BMPR1B: variants seen among roughly 807,000 people sequenced by gnomAD.
BMPR1B encodes the protein bone morphogenetic protein receptor type-1B.
A neutral mutation model predicts 59.1 loss-of-function variants in BMPR1B; 12 were observed. The observed-to-expected ratio is 0.20, with a 90% CI of 0.13 to 0.33. The LOEUF (loss-of-function observed/expected upper bound fraction) is 0.33, where lower values mean the gene tolerates loss of function less well. Ranked by LOEUF, BMPR1B falls within the 10% of genes least tolerant of loss-of-function variation. The pLI is 1.00. For synonymous variants in BMPR1B, 237 were observed against 207.3 expected (o/e 1.14, Z -1.23); for missense variants, 550 against 610.9 (o/e 0.90, Z 1.05).
intron 3 of BMPR1B, among the ~76,000 whole-genome samples, chr4:95,005,973 A>G (rs939545652): frequency 1.5e-4 from 23 of 152,268 alleles, no homozygotes; most frequent in Admixed American, 1.2e-3. Context: ...GGATATTTGT[A>G]TATATGATAA....
At chr4:95,004,644 A>C (rs1333840045) in intron 3 of BMPR1B, among the ~76,000 whole-genome samples, 1 of 152,176 alleles carries the variant, frequency 6.6e-6, no homozygotes, top group African/African-American at 2.4e-5. Flanking sequence ...ATTTTTCTTA[A>C]GAGCTCTGTC....
chr4:95,015,697 AT>A (rs36121172), intron 3 of BMPR1B, among the ~76,000 whole-genome samples: 39,874 of 144,798 alleles, frequency 0.28, 5,917 homozygotes, highest in South Asian at 0.42. Flanking sequence ...CTGGAACATC[AT>A]TTTTTTTTTT....
At chr4:94,933,939 G>T (rs751232774) in intron 2 of BMPR1B, among the ~76,000 whole-genome samples, 1 of 152,104 alleles carries the variant, frequency 6.6e-6, no homozygotes, top group Non-Finnish European at 1.5e-5. Flanking sequence ...TAGGTATTCC[G>T]TTGCGTTGTA....
intron 3 of BMPR1B, among the ~76,000 whole-genome samples, chr4:95,008,849 A>G (rs185071685): frequency 3.4e-4 from 52 of 152,306 alleles, no homozygotes; most frequent in Non-Finnish European, 5.3e-4. Context: ...CAATAAACAT[A>G]TGAAACATGC....
chr4:95,049,941 G>C (rs915301984), intron 3 of BMPR1B, among the ~76,000 whole-genome samples: 4 of 152,026 alleles, frequency 2.6e-5, no homozygotes, highest in Admixed American at 2.0e-4. Context: ...ATTCTGGGGA[G>C]AGAGCAGAGA....
intron 3 of BMPR1B, among the ~76,000 whole-genome samples, chr4:95,024,565 C>T (rs6815448): frequency 0.95 from 145,133 of 152,214 alleles, 69,233 homozygotes; most frequent in Middle Eastern, 0.99. Context: ...ACGTGGATAA[C>T]TGGGTTTACT....
chr4:95,026,184 C>A (rs545682986), intron 3 of BMPR1B, among the ~76,000 whole-genome samples: 2 of 97,282 alleles, frequency 2.1e-5, no homozygotes, highest in African/African-American at 6.9e-5. Flanking sequence ...TTCTGTAGAT[C>A]GAAGAACATA....
intron 4 of BMPR1B, among the ~76,000 whole-genome samples, chr4:95,107,157 G>C (rs749307598): frequency 2.0e-5 from 3 of 152,032 alleles, no homozygotes; most frequent in Non-Finnish European, 4.4e-5. Flanking sequence ...TTGGCCATGA[G>C]ACATTTAATG....
intron 3 of BMPR1B, among the ~76,000 whole-genome samples, chr4:95,098,629 A>C (rs917592018): frequency 1.3e-5 from 2 of 151,310 alleles, no homozygotes; most frequent in African/African-American, 4.9e-5. Context: ...TGGTTTTCTT[A>C]GCGTTTAAGG....
chr4:95,087,003 T>C (rs34971211), intron 3 of BMPR1B, among the ~76,000 whole-genome samples: 62,113 of 122,716 alleles, frequency 0.51, 12,811 homozygotes, highest in South Asian at 0.63. Context: ...TCCTTCTTTT[T>C]TTTTTTTTTT....
chr4:94,872,473 AGAAGTAT>A (rs71944116), intron 1 of BMPR1B, among the ~76,000 whole-genome samples: 4,355 of 152,348 alleles, frequency 0.029, 197 homozygotes, highest in African/African-American at 0.099. Flanking sequence ...TGATTAAAGT[AGAAGTAT>A]GAATTTTTAA....
rs535107159 is a variant in BMPR1B, at chr4:95,137,839, A to T, written c.1076+6327A>T. Among the ~76,000 whole-genome samples the T allele has an allele frequency of 3.9e-5, 6 of 152,168 alleles. No homozygotes were observed. The South Asian group carries it at 1.2e-3, about 32-fold the overall frequency. On this transcript the variant is annotated intron_variant, in intron 10 of 12. Coordinates refer to ENST00000515059, the MANE Select transcript of BMPR1B (RefSeq NM_001203.3). ...TGGGTCTCCTGAATACAGCACACTG[A>T]TGGGTCTTGACTCTTTATCCAATTT...
At chr4:94,804,692 T>A (rs1306782398) in intron 1 of BMPR1B, among the ~76,000 whole-genome samples, 1 of 152,054 alleles carries the variant, frequency 6.6e-6, no homozygotes, top group Non-Finnish European at 1.5e-5. Context: ...GTATTTACTT[T>A]GAACTGAACA....
intron 3 of BMPR1B, among the ~76,000 whole-genome samples, chr4:95,037,943 G>C (rs1353527776): frequency 6.6e-6 from 1 of 152,190 alleles, no homozygotes; most frequent in African/African-American, 2.4e-5. Context: ...CTGAGGGGGA[G>C]ACAGTTAACA....
In BMPR1B at chr4:94,880,269, A is replaced by G. The variant is rs1384897710; in HGVS notation, c.-113+4369A>G. Among the ~76,000 whole-genome samples, 3 of 152,204 alleles carry G rather than the reference A, an allele frequency of 2.0e-5. No individual in the cohort carries two copies. In the East Asian group the frequency reaches 5.8e-4, roughly 29 times the overall value. ...ACTTGTCTCCATAAATTCAAGGCAG[A>G]ACAGCAAATATGCCCTAAAAACAAT... On this transcript the variant is annotated intron_variant, in intron 2 of 12. Coordinates refer to ENST00000515059, the MANE Select transcript of BMPR1B (RefSeq NM_001203.3).
At chr4:95,105,223 G>A (rs910614635) in intron 4 of BMPR1B, among the ~76,000 whole-genome samples, 1 of 151,990 alleles carries the variant, frequency 6.6e-6, no homozygotes, top group Non-Finnish European at 1.5e-5. Context: ...TACTCCTTAC[G>A]GTAAGGTCAA....
At chr4:95,099,781 T>C (rs1406048978) in intron 3 of BMPR1B, among the ~76,000 whole-genome samples, 1 of 152,212 alleles carries the variant, frequency 6.6e-6, no homozygotes, top group Non-Finnish European at 1.5e-5. Context: ...TAAATAACTG[T>C]ACTACTCTTT....
rs529470438 is a variant in BMPR1B, at chr4:95,145,337, A to T, written c.1077-3411A>T. Among the ~76,000 whole-genome samples the T allele has an allele frequency of 1.4e-3, 209 of 152,268 alleles. 1 individual carries two copies. The East Asian group carries it at 0.033, about 24-fold the overall frequency. ...GTCTCTGAGTCTACAGCCCTTGTGC[A>T]GTATCTATCTTTTCTTGTCAACCTT... On this transcript the variant is annotated intron_variant, in intron 10 of 12. Coordinates refer to ENST00000515059, the MANE Select transcript of BMPR1B (RefSeq NM_001203.3).
intron 2 of BMPR1B, among the ~76,000 whole-genome samples, chr4:94,906,967 T>C (rs1279349130): frequency 2.0e-5 from 3 of 152,082 alleles, no homozygotes; most frequent in Non-Finnish European, 4.4e-5. Context: ...ATTATCTCTC[T>C]GTAGGGATTA....
Sources: allele counts gnomAD v4.1 joint callset (sites outside exome capture counted in the v4.1 genomes callset), GRCh38; gene constraint gnomAD v4.1.1; transcripts MANE v1.5; gene names NCBI Gene and HGNC (gene_info 2026-07-23, HGNC 2026-07-21).